Variants in FAM184B observed in about 807,000 individuals in gnomAD.
The protein encoded by FAM184B is family with sequence similarity 184 member B.
FAM184B carries 111 observed loss-of-function variants against 135.9 expected under a neutral mutation model. The observed-to-expected ratio is 0.82, with a 90% CI of 0.70 to 0.96. The LOEUF (loss-of-function observed/expected upper bound fraction) is 0.96, where lower values mean the gene tolerates loss of function less well. Ranked by LOEUF, FAM184B falls within the 40% of genes least tolerant of loss-of-function variation. The pLI, the probability that FAM184B is intolerant of heterozygous loss-of-function variation, is 0.00. For missense variants in FAM184B, 1,375 were observed against 1,323.9 expected (o/e 1.04, Z -0.60); for synonymous variants, 552 against 524.8 (o/e 1.05, Z -0.71).
intron 1 of FAM184B, among the ~76,000 whole-genome samples, chr4:17,766,270 T>C (rs1378044313): frequency 6.6e-6 from 1 of 152,224 alleles, no homozygotes. Context: ...GGGTGCTGAT[T>C]GGTGCGTTTA....
intron 3 of FAM184B, among the ~76,000 whole-genome samples, chr4:17,706,448 C>G (rs1273669553): frequency 6.6e-6 from 1 of 152,106 alleles, no homozygotes; most frequent in Non-Finnish European, 1.5e-5. Context: ...TGCTGTGGGC[C>G]GTAAGGTACA....
At chr4:17,701,295 T>C (rs915216385) in intron 5 of FAM184B, among the ~76,000 whole-genome samples, 1 of 152,246 alleles carries the variant, frequency 6.6e-6, no homozygotes, top group Non-Finnish European at 1.5e-5. Context: ...ATGTATATTC[T>C]TTTATACACA....
chr4:17,695,687 GGA>G (rs34758697), intron 5 of FAM184B, among the ~76,000 whole-genome samples: 51,300 of 151,930 alleles, frequency 0.34, 9,167 homozygotes, highest in South Asian at 0.4. Flanking sequence ...GATGACACTA[GGA>G]GAGAATGGTG....
At chr4:17,745,490 C>T (rs766938646) in intron 1 of FAM184B, among the ~76,000 whole-genome samples, 3 of 152,196 alleles carry the variant, frequency 2.0e-5, no homozygotes, top group Non-Finnish European at 4.4e-5. Flanking sequence ...CTTGAATGTT[C>T]GATCTTTGCT....
intron 10 of FAM184B, among the ~76,000 whole-genome samples, chr4:17,657,338 G>A (rs1218863455): frequency 6.6e-6 from 1 of 152,198 alleles, no homozygotes; most frequent in Admixed American, 6.5e-5. Flanking sequence ...GCTGCAGCCT[G>A]GACTGAGCTG....
chr4:17,736,175 G>C (rs1685268762), intron 1 of FAM184B, among the ~76,000 whole-genome samples: 3 of 152,080 alleles, frequency 2.0e-5, no homozygotes. Flanking sequence ...ACAAACCAAG[G>C]TGTGGTGAAG....
At chr4:17,640,184 TA>T (rs1715266760) in intron 13 of FAM184B, among the ~76,000 whole-genome samples, 1 of 151,070 alleles carries the variant, frequency 6.6e-6, no homozygotes, top group African/African-American at 2.4e-5. Flanking sequence ...TTATGAAAAT[TA>T]AATTGGGCTG....
At chr4:17,741,649 C>A (rs893021007) in intron 1 of FAM184B, among the ~76,000 whole-genome samples, 10 of 152,152 alleles carry the variant, frequency 6.6e-5, no homozygotes, top group Admixed American at 4.6e-4. Flanking sequence ...GCCGAGATTG[C>A]ACCACTGCAC....
chr4:17,731,010 A>T (rs141661565), intron 1 of FAM184B, among the ~76,000 whole-genome samples: 126 of 152,300 alleles, frequency 8.3e-4, no homozygotes, highest in African/African-American at 2.9e-3. Flanking sequence ...AAATGAATGA[A>T]ATGAAGCGCG....
chr4:17,701,416 A>G (rs1334516415), intron 5 of FAM184B, among the ~76,000 whole-genome samples: 1 of 152,208 alleles, frequency 6.6e-6, no homozygotes, highest in South Asian at 2.1e-4. Context: ...TTCCTTGTCT[A>G]TGAAGTGGAA....
At chr4:17,653,930 G>GGGAGAGGGAGGGAGGGGGGAGGGGGGAGA (rs1715713147) in intron 10 of FAM184B, among the ~76,000 whole-genome samples, 4 of 135,778 alleles carry the variant, frequency 2.9e-5, no homozygotes, top group Non-Finnish European at 6.4e-5. Flanking sequence ...GGGAGGGGGA[G>GGGAGAGGGAGGGAGGGGGGAGGGGGGAGA]GGGGATTTGA....
At chr4:17,636,882 A>C (rs943283707) in intron 14 of FAM184B, among the ~76,000 whole-genome samples, 4 of 152,158 alleles carry the variant, frequency 2.6e-5, no homozygotes, top group Admixed American at 6.5e-5. Context: ...GTGTGCACAT[A>C]GATGCTGCAC....
intron 4 of FAM184B, 87 bp downstream of exon 4, chr4:17,705,665 C>A: frequency 6.8e-7 from 1 of 1,468,770 alleles, no homozygotes; most frequent in Non-Finnish European, 9.1e-7. Flanking sequence ...ATCCACTATG[C>A]TTGGGGACTG....
chr4:17,673,170 G>A (rs1406810042), intron 7 of FAM184B, among the ~76,000 whole-genome samples: 1 of 152,000 alleles, frequency 6.6e-6, no homozygotes, highest in African/African-American at 2.4e-5. Context: ...ACAAACCTAT[G>A]AAAAAAAGCT....
At chr4:17,715,751 T>C (rs1298615382) in intron 1 of FAM184B, among the ~76,000 whole-genome samples, 1 of 152,210 alleles carries the variant, frequency 6.6e-6, no homozygotes. Flanking sequence ...CTGGAAACCA[T>C]AAATGTATAC....
chr4:17,652,143 T>TC (rs1715636412), intron 11 of FAM184B, among the ~76,000 whole-genome samples: 1 of 123,378 alleles, frequency 8.1e-6, no homozygotes, highest in African/African-American at 2.9e-5. Flanking sequence ...TTTTTTTTTT[T>TC]TTTTTGAGTC....
intron 9 of FAM184B, among the ~76,000 whole-genome samples, chr4:17,659,250 C>T (rs1355607350): frequency 6.6e-5 from 10 of 151,734 alleles, no homozygotes; most frequent in Admixed American, 6.6e-4. Context: ...GGAGTACAGG[C>T]ACATGTCACC....
At chr4:17,777,600 T>C (rs927506411) in intron 1 of FAM184B, among the ~76,000 whole-genome samples, 3 of 152,070 alleles carry the variant, frequency 2.0e-5, no homozygotes, top group Non-Finnish European at 4.4e-5. Flanking sequence ...TGGGAAAAAC[T>C]CTGGATTGGA....
chr4:17,751,866 C>CACACACACACACACACAA (rs1312940744), intron 1 of FAM184B, among the ~76,000 whole-genome samples: 1 of 143,208 alleles, frequency 7.0e-6, no homozygotes, highest in South Asian at 2.3e-4. Flanking sequence ...CACACACACA[C>CACACACACACACACACAA]AAAAGAACCA....
Sources: gnomAD v4.1 joint callset for allele counts (sites outside exome capture counted in the v4.1 genomes callset) on GRCh38, gnomAD v4.1.1 for gene constraint, MANE v1.5 for transcripts, NCBI Gene and HGNC (gene_info 2026-07-23, HGNC 2026-07-21) for gene names.